GRAMD1B: variants seen among roughly 807,000 people sequenced by gnomAD.
GRAMD1B encodes GRAM domain containing 1B, also known as protein Aster-B.
In GRAMD1B, 37 loss-of-function variants were observed where a neutral mutation model predicts 99.7. The ratio of observed to expected loss-of-function variants is 0.37; its 90% CI spans 0.29 to 0.49. GRAMD1B has a LOEUF of 0.49. Ranked by LOEUF, GRAMD1B falls within the 20% of genes least tolerant of loss-of-function variation. GRAMD1B has a pLI of 0.98. For missense variants in GRAMD1B, 888 were observed against 1,009.2 expected (o/e 0.88, Z 1.63); for synonymous variants, 427 against 387.6 (o/e 1.10, Z -1.19).
intron 1 of GRAMD1B, among the ~76,000 whole-genome samples, chr11:123,475,440 C>G (rs1333901095): frequency 1.3e-5 from 2 of 152,138 alleles, no homozygotes; most frequent in Non-Finnish European, 2.9e-5. Flanking sequence ...CAAGAGCTTC[C>G]CATCTTATTT....
At chr11:123,415,268 A>G (rs1041645825) in intron 1 of GRAMD1B, among the ~76,000 whole-genome samples, 12 of 151,598 alleles carry the variant, frequency 7.9e-5, no homozygotes, top group African/African-American at 2.7e-4. Flanking sequence ...ACACCCAGCT[A>G]ATTTTTGTAT....
At chr11:123,388,346 G>A (rs77623922) in intron 1 of GRAMD1B, among the ~76,000 whole-genome samples, 3,744 of 151,940 alleles carry the variant, frequency 0.025, 154 homozygotes, top group African/African-American at 0.086. Flanking sequence ...ATAAGAAGGA[G>A]CCCACATGAA....
intron 5 of GRAMD1B, among the ~76,000 whole-genome samples, chr11:123,594,500 G>A (rs1231195650): frequency 3.3e-5 from 5 of 152,174 alleles, no homozygotes; most frequent in African/African-American, 1.2e-4. Context: ...GGCCCACTTT[G>A]CCTTCACATT....
chr11:123,570,969 TG>T (rs772156853), intron 2 of GRAMD1B, among the ~76,000 whole-genome samples: 23 of 151,468 alleles, frequency 1.5e-4, no homozygotes, highest in Non-Finnish European at 3.1e-4. Context: ...TGTCCAGGTG[TG>T]GGGAGGGGGG....
At chr11:123,402,791 GCTCT>G (rs921286430) in intron 1 of GRAMD1B, among the ~76,000 whole-genome samples, 1 of 151,934 alleles carries the variant, frequency 6.6e-6, no homozygotes, top group African/African-American at 2.4e-5. Context: ...TAATACTCTC[GCTCT>G]CTCTCTTTTA....
At chr11:123,519,780 G>C (rs926131944) in intron 2 of GRAMD1B, among the ~76,000 whole-genome samples, 1 of 152,258 alleles carries the variant, frequency 6.6e-6, no homozygotes, top group Non-Finnish European at 1.5e-5. Context: ...TCCAGATAGG[G>C]AGCCAGAGGC....
At chr11:123,484,113 A>G (rs1024963543) in intron 2 of GRAMD1B, among the ~76,000 whole-genome samples, 2 of 152,222 alleles carry the variant, frequency 1.3e-5, no homozygotes, top group African/African-American at 4.8e-5. Flanking sequence ...AAGAGGCCAC[A>G]GAGGTCGCCC....
intron 1 of GRAMD1B, among the ~76,000 whole-genome samples, chr11:123,379,978 G>A (rs1342588743): frequency 6.6e-6 from 1 of 152,098 alleles, no homozygotes; most frequent in African/African-American, 2.4e-5. Flanking sequence ...TCGACCATTT[G>A]TATCTATTCT....
At chr11:123,448,834 A>G (rs1024795167) in intron 1 of GRAMD1B, among the ~76,000 whole-genome samples, 3 of 152,264 alleles carry the variant, frequency 2.0e-5, no homozygotes, top group African/African-American at 7.2e-5. Context: ...CTCCATCACC[A>G]TAGCCGGCTC....
chr11:123,551,092 C>G (rs988464568), intron 2 of GRAMD1B, among the ~76,000 whole-genome samples: 2 of 152,180 alleles, frequency 1.3e-5, no homozygotes, highest in Non-Finnish European at 2.9e-5. Context: ...GGGAGAAGTT[C>G]AACTCTCACG....
chr11:123,495,825 C>G (rs1182013677), intron 2 of GRAMD1B, among the ~76,000 whole-genome samples: 2 of 151,996 alleles, frequency 1.3e-5, no homozygotes, highest in Non-Finnish European at 2.9e-5. Flanking sequence ...ATTGCATAAA[C>G]AAACTAACAA....
intron 1 of GRAMD1B, among the ~76,000 whole-genome samples, chr11:123,385,025 A>C (rs1166187247): frequency 6.6e-6 from 1 of 152,234 alleles, no homozygotes; most frequent in South Asian, 2.1e-4. Flanking sequence ...AGTTCAGTGA[A>C]AACTGTCGCA....
intron 19 of GRAMD1B, among the ~76,000 whole-genome samples, chr11:123,621,538 G>T (rs1015745025): frequency 2.0e-5 from 3 of 152,240 alleles, no homozygotes; most frequent in African/African-American, 7.2e-5. Flanking sequence ...GAGCCTGAGT[G>T]TGCTGTGTGA....
At chr11:123,551,341 T>C (rs749832427) in intron 2 of GRAMD1B, among the ~76,000 whole-genome samples, 7 of 152,196 alleles carry the variant, frequency 4.6e-5, no homozygotes, top group Non-Finnish European at 1.0e-4. Flanking sequence ...GCTGGGGAGA[T>C]GAGTACTTCA....
At chr11:123,371,318 G>A (rs1591369048) in intron 1 of GRAMD1B, among the ~76,000 whole-genome samples, 1 of 152,058 alleles carries the variant, frequency 6.6e-6, no homozygotes, top group African/African-American at 2.4e-5. Context: ...TGTCTGCCAG[G>A]TCTTATGATT....
chr11:123,588,218 C>T (rs1469624457), intron 4 of GRAMD1B, among the ~76,000 whole-genome samples: 6 of 152,122 alleles, frequency 3.9e-5, no homozygotes, highest in Non-Finnish European at 7.4e-5. Flanking sequence ...TTCTCCTGGG[C>T]TCCTCCACCC....
At position 123,430,672 on chromosome 11, in the gene GRAMD1B, G is replaced by T; in HGVS notation, c.-121G>T. On this transcript the variant is annotated 5_prime_UTR_variant, in exon 1 of 20. Transcript: ENST00000635736. The stretch of plus-strand genomic sequence containing the variant: ...TCGCTGCGCTCCGGGAAAGGAACTT[G>T]TTCCTTCGGCCCCAGGATTGGGGAG... 2 of 538,086 alleles carry T rather than the reference G, an allele frequency of 3.7e-6. No homozygotes were observed. The highest frequency in any genetic ancestry group is 6.5e-6 in the Non-Finnish European group (2 of 306,930). The allele number at this position is 538,086 out of a possible 1,614,324, so 33.3% of individuals were successfully genotyped here. A position where few individuals can be genotyped will look rare whatever the true frequency, so the allele number is the denominator to read the frequency against.
rs1280254441 is a variant in GRAMD1B at position 123,625,246 on chromosome 11, A to G, written c.*2651A>G. 3 of 152,220 alleles carry G rather than the reference A, an allele frequency of 2.0e-5. No homozygotes were observed. The highest frequency in any genetic ancestry group is 6.5e-5 in the Admixed American group (1 of 15,280). 9.4% of individuals were successfully genotyped at this position (152,220 alleles called of 1,614,324 possible). Reference sequence around the variant, plus strand: ...GCTGTCTACAAGGGAGCATCAAAACATCACTACTTCTTATGTAACTTCTTC... The same window carrying G: ...GCTGTCTACAAGGGAGCATCAAAACGTCACTACTTCTTATGTAACTTCTTC... On this transcript the variant is annotated 3_prime_UTR_variant, in exon 20 of 20. Transcript: ENST00000635736.
At chr11:123,481,097 G>A (rs1356830132) in intron 2 of GRAMD1B, among the ~76,000 whole-genome samples, 1 of 152,162 alleles carries the variant, frequency 6.6e-6, no homozygotes, top group African/African-American at 2.4e-5. Flanking sequence ...AAAGGGGCTG[G>A]TTCCAGAGGC....
Sources: allele counts gnomAD v4.1 joint callset (sites outside exome capture counted in the v4.1 genomes callset), GRCh38; gene constraint gnomAD v4.1.1; transcripts MANE v1.5; gene names NCBI Gene and HGNC (gene_info 2026-07-23, HGNC 2026-07-21).